LTBP1: variants seen among roughly 807,000 people sequenced by gnomAD.
LTBP1 encodes latent-transforming growth factor beta-binding protein 1.
In LTBP1, 129 loss-of-function variants were observed where a neutral mutation model predicts 207.6. The ratio of observed to expected loss-of-function variants is 0.62; its 90% CI spans 0.54 to 0.72. The LOEUF (loss-of-function observed/expected upper bound fraction) is 0.72. Among genes scored for constraint, LTBP1 ranks in the 30% least tolerant of loss-of-function variants. The pLI, the probability that LTBP1 is intolerant of heterozygous loss-of-function variation, is 0.00. For missense variants in LTBP1, 2,281 were observed against 2,217.2 expected (o/e 1.03, Z -0.58); for synonymous variants, 963 against 833.7 (o/e 1.16, Z -2.67).
At chr2:33,221,887 T>C (rs189690478) in intron 8 of LTBP1, among the ~76,000 whole-genome samples, 193 bp from the exon 9 acceptor site, 3 of 152,298 alleles carry the variant, frequency 2.0e-5, no homozygotes, top group Admixed American at 6.5e-5. Context: ...CTTGGGACTT[T>C]ATTGCAAAAT....
chr2:33,324,215 T>A (rs933974750), intron 24 of LTBP1, among the ~76,000 whole-genome samples: 19 of 152,128 alleles, frequency 1.2e-4, no homozygotes, highest in Middle Eastern at 3.4e-3. Context: ...AATATTATAG[T>A]ATTTTGAGAG....
At chr2:33,269,053 ACT>A (rs2093254675) in intron 15 of LTBP1, among the ~76,000 whole-genome samples, 2 of 152,096 alleles carry the variant, frequency 1.3e-5, no homozygotes, top group Non-Finnish European at 2.9e-5. Context: ...TAGAAAATGA[ACT>A]CTTTTATTTC....
At chr2:33,254,469 A>T (rs559952991) in intron 11 of LTBP1, among the ~76,000 whole-genome samples, 35 of 151,792 alleles carry the variant, frequency 2.3e-4, no homozygotes, top group Non-Finnish European at 4.1e-4. Context: ...ATAATATTCA[A>T]GATAAAATTT....
chr2:33,281,679 C>T (rs2093561852), intron 19 of LTBP1, among the ~76,000 whole-genome samples: 1 of 152,148 alleles, frequency 6.6e-6, no homozygotes, highest in Non-Finnish European at 1.5e-5. Context: ...TAGGCCCATC[C>T]CCAACCCAAG....
intron 10 of LTBP1, among the ~76,000 whole-genome samples, chr2:33,251,484 C>G (rs2092682008): frequency 6.6e-6 from 1 of 151,980 alleles, no homozygotes; most frequent in Admixed American, 6.6e-5. Context: ...CACGGTGAAA[C>G]CCTGTCTCTA....
intron 31 of LTBP1, among the ~76,000 whole-genome samples, chr2:33,368,481 A>G (rs778432412): frequency 5.9e-5 from 9 of 152,340 alleles, no homozygotes; most frequent in Non-Finnish European, 1.3e-4. Context: ...GTACCCATAA[A>G]CAATGCTGCA....
intron 3 of LTBP1, among the ~76,000 whole-genome samples, chr2:33,032,511 G>C (rs1558538883): frequency 6.6e-6 from 1 of 152,150 alleles, no homozygotes; most frequent in African/African-American, 2.4e-5. Flanking sequence ...TTAGGTGACA[G>C]AAGTCCTACA....
In LTBP1 at chr2:33,274,960, A is replaced by G. The variant is rs1263409971; in HGVS notation, c.2744-5A>G. 3.1e-6 allele frequency: 5 copies of G among 1,613,414 alleles called. No homozygotes were observed. Among genetic ancestry groups the G allele is most frequent in the Non-Finnish European group, 4.2e-6 (5 of 1,179,554 alleles). ...TAATATTTTTATATGTATTTTTGTT[A>G]ACAGATATTGATGAGTGTACTCAGG... On this transcript the variant is annotated splice_region_variant and splice_polypyrimidine_tract_variant and intron_variant, in intron 16 of 33. Coordinates refer to ENST00000404816, the MANE Select transcript of LTBP1 (RefSeq NM_206943.4).
At chr2:33,230,891 C>T (rs2091746575) in intron 9 of LTBP1, among the ~76,000 whole-genome samples, 1 of 151,796 alleles carries the variant, frequency 6.6e-6, no homozygotes, top group Non-Finnish European at 1.5e-5. Context: ...ACATTTTTGG[C>T]ACGTACTGTG....
Position 33,342,841 on chromosome 2 carries a change from T to A in LTBP1, c.3734T>A (p.Ile1245Asn). 1 of 1,613,576 alleles carries A rather than the reference T, an allele frequency of 6.2e-7. No individual in the cohort carries two copies. The highest frequency in any genetic ancestry group is 8.5e-7 in the Non-Finnish European group (1 of 1,179,640). ...ATGTTCCATGTCTTTTTTGCAGATATTGATGAATGTGTAAACAACACTGTT... is the reference window on the plus strand; with the variant it reads ...ATGTTCCATGTCTTTTTTGCAGATAATGATGAATGTGTAAACAACACTGTT... ...ISADGRTCED[I>N]DECVNNTVCD... Residue 1245 changes from isoleucine (I) to asparagine (N), a missense_variant, in exon 25 of 34, where the codon ATT becomes AAT. This residue lies in a region of LTBP1 where 1,671 missense variants were observed against 1,634.8 expected (regional missense o/e 1.02). Transcript: ENST00000404816.
In LTBP1 at chr2:33,186,904, A is replaced by G. The variant is rs1206757221; in HGVS notation, c.1250A>G (p.Asp417Gly). The change falls in exon 6 of 34, where the codon GAC becomes GGC. Residue 417 changes from aspartate (D) to glycine (G), a missense_variant. By Grantham distance (94) the Asp-to-Gly change is moderately conservative. Coordinates refer to ENST00000404816, the MANE Select transcript of LTBP1 (RefSeq NM_206943.4). ...AATGGTGGCCAGTGCAGTTCAAGGG[A>G]CAAATGTCAGTGCCCTCCAAATTTC... The part of the protein sequence containing the change: ...CMNGGQCSSR[D>G]KCQCPPNFTG... 2 of 1,614,068 alleles carry G rather than the reference A, an allele frequency of 1.2e-6. No homozygotes were observed. Among genetic ancestry groups the G allele is most frequent in the Admixed American group, 1.7e-5 (1 of 60,010 alleles).
chr2:32,965,885 T>G (rs1274899630), intron 2 of LTBP1, among the ~76,000 whole-genome samples: 1 of 152,164 alleles, frequency 6.6e-6, no homozygotes, highest in African/African-American at 2.4e-5. Flanking sequence ...TATGTTTAGT[T>G]TGGTAAGAAG....
intron 2 of LTBP1, among the ~76,000 whole-genome samples, chr2:32,949,884 G>A (rs1470879490): frequency 6.6e-6 from 1 of 152,144 alleles, no homozygotes; most frequent in East Asian, 1.9e-4. Context: ...AAACAGAAGG[G>A]TTTTGGCATA....
chr2:33,311,812 C>T (rs1371802468), intron 23 of LTBP1, among the ~76,000 whole-genome samples: 25 of 152,108 alleles, frequency 1.6e-4, no homozygotes, highest in Non-Finnish European at 1.5e-5. Context: ...TTGATATCAC[C>T]TCTCAAATAT....
Position 33,330,867 on chromosome 2 carries a change from T to G in LTBP1, c.3731-11971T>G, listed in dbSNP as rs565727968. ...ATTCACCGGTAAAGTCATTTGTGCC[T>G]GGAATGTTTGTTTTTGTTTCCTTTT... On this transcript the variant is annotated intron_variant, in intron 24 of 33. Transcript: ENST00000404816. Among the ~76,000 whole-genome samples, 123 of 151,682 alleles carry G rather than the reference T, an allele frequency of 8.1e-4. 1 individual carries two copies. The highest frequency in any genetic ancestry group is 2.8e-3 in the African/African-American group (115 of 41,468).
chr2:33,370,671 C>G (rs779203434), intron 31 of LTBP1, among the ~76,000 whole-genome samples: 1 of 152,214 alleles, frequency 6.6e-6, no homozygotes. Context: ...TTTAAATATA[C>G]TGTTCCCGGA....
At chr2:33,312,024 A>C (rs1378852543) in intron 23 of LTBP1, among the ~76,000 whole-genome samples, 2 of 151,974 alleles carry the variant, frequency 1.3e-5, no homozygotes, top group African/African-American at 4.8e-5. Flanking sequence ...ATCACCCACC[A>C]CCTCCTGTTA....
chr2:33,336,545 A>AT (rs1309319746), intron 24 of LTBP1, among the ~76,000 whole-genome samples: 1 of 152,228 alleles, frequency 6.6e-6, no homozygotes, highest in African/African-American at 2.4e-5. Flanking sequence ...TCATCTAAAA[A>AT]TGTTCTAAGA....
Position 33,123,638 on chromosome 2 carries a change from G to A in LTBP1, c.1034-11155G>A, listed in dbSNP as rs191417326. ...TACTCTGAGCAAGAAAATACAAACA[G>A]ATGTGCTGAAGGCATTGTGAATTGT... On this transcript the variant is annotated intron_variant, in intron 4 of 33. Coordinates refer to ENST00000404816, the MANE Select transcript of LTBP1 (RefSeq NM_206943.4). 2.1e-3 allele frequency among the ~76,000 whole-genome samples: 327 copies of A among 152,294 alleles called. 1 individual carries two copies. The highest frequency in any genetic ancestry group is 7.6e-3 in the African/African-American group (316 of 41,572).
Sources: gnomAD v4.1 joint callset for allele counts (sites outside exome capture counted in the v4.1 genomes callset) on GRCh38, gnomAD v4.1.1 for gene constraint, gnomAD v4.1.1 regional missense constraint, MANE v1.5 for transcripts, NCBI Gene and HGNC (gene_info 2026-07-23, HGNC 2026-07-21) for gene names.